NPRL3: variants seen among roughly 807,000 people sequenced by gnomAD.
NPRL3 encodes the protein GATOR1 complex protein NPRL3.
In NPRL3, 23 loss-of-function variants were observed where a neutral mutation model predicts 57.2. The ratio of observed to expected loss-of-function variants is 0.40; its 90% CI spans 0.29 to 0.57. NPRL3 has a LOEUF of 0.57. Ranked by LOEUF, NPRL3 falls within the 20% of genes least tolerant of loss-of-function variation. The probability of loss-of-function intolerance (pLI) is 0.42; values close to 1 mark genes in which losing one functional copy is unlikely to be tolerated. For synonymous variants in NPRL3, 333 were observed against 321.1 expected (o/e 1.04, Z -0.39); for missense variants, 691 against 767.1 (o/e 0.90, Z 1.17).
intron 10 of NPRL3, 96 bp from the exon 11 acceptor site, chr16:92,821 G>A (rs1596499645): frequency 2.0e-6 from 3 of 1,525,756 alleles, no homozygotes; most frequent in Admixed American, 1.9e-5. Context: ...AAGTGTGGCA[G>A]GTGGGTCAGG....
chr16:117,409 C>A (rs13336641), intron 4 of NPRL3, 34 bp from the exon 5 acceptor site: 3 of 1,484,344 alleles, frequency 2.0e-6, no homozygotes, highest in South Asian at 1.2e-5. Context: ...TTAATTGAGA[C>A]GACTTTCTAA....
At chr16:98,688 G>A (rs572250676) in intron 8 of NPRL3, among the ~76,000 whole-genome samples, 5 of 152,342 alleles carry the variant, frequency 3.3e-5, no homozygotes, top group Admixed American at 2.0e-4. Context: ...CTATAATCCC[G>A]GCACTCTGGG....
chr16:112,346 T>TGA (rs1396473261), intron 6 of NPRL3, among the ~76,000 whole-genome samples: 1 of 152,236 alleles, frequency 6.6e-6, no homozygotes, highest in Non-Finnish European at 1.5e-5. Flanking sequence ...GTGAAGATCA[T>TGA]GTAACTTCTC....
intron 3 of NPRL3, 55 bp downstream of exon 3, chr16:130,466 TG>T: frequency 1.3e-6 from 2 of 1,499,154 alleles, no homozygotes; most frequent in Admixed American, 4.0e-5. Context: ...GGTGGGGCTT[TG>T]CCCAGGCCTG....
At chr16:88,306 G>A (rs925130665) in intron 13 of NPRL3, among the ~76,000 whole-genome samples, 4 of 151,380 alleles carry the variant, frequency 2.6e-5, no homozygotes, top group South Asian at 2.1e-4. Flanking sequence ...GCGTGAACCC[G>A]GGAAGCGGAG....
intron 12 of NPRL3, chr16:89,167 T>G (rs979049084): frequency 6.5e-6 from 3 of 458,600 alleles, no homozygotes; most frequent in African/African-American, 5.8e-5. Flanking sequence ...AAGGTGGGCC[T>G]GGGCATCCTG....
At chr16:103,122 C>T (rs542350844) in intron 7 of NPRL3, among the ~76,000 whole-genome samples, 1 of 151,804 alleles carries the variant, frequency 6.6e-6, no homozygotes, top group East Asian at 1.9e-4. Flanking sequence ...GAAAGGAGGG[C>T]CACTGGAAAT....
chr16:90,250 G>T (rs1898707297), intron 11 of NPRL3: 1 of 274,398 alleles, frequency 3.6e-6, no homozygotes, highest in African/African-American at 2.3e-5. Context: ...TGCTGCAGCT[G>T]CCCCTCTGCC....
chr16:89,645 T>C, intron 12 of NPRL3, 68 bp downstream of exon 12: 1 of 1,395,028 alleles, frequency 7.2e-7, no homozygotes, highest in Non-Finnish European at 9.3e-7. Flanking sequence ...ACCACCCACG[T>C]TGAGCCTCCT....
chr16:112,777 T>C lies in NPRL3; in HGVS notation c.394-2A>G. 1 of 1,591,136 alleles carries C rather than the reference T, an allele frequency of 6.3e-7. No individual in the cohort carries two copies. Among genetic ancestry groups the C allele is most frequent in the Non-Finnish European group, 8.6e-7 (1 of 1,163,800 alleles). Reference sequence around the variant, plus strand: ...TATCACTGACGGGTCTGCGTTGGCCTGCAGGAGAGAGACCATACACAGACT... The same window carrying C: ...TATCACTGACGGGTCTGCGTTGGCCCGCAGGAGAGAGACCATACACAGACT... On this transcript the variant is annotated splice_acceptor_variant, in intron 5 of 13. Coordinates refer to ENST00000611875, the MANE Select transcript of NPRL3 (RefSeq NM_001077350.3). LOFTEE classifies it high-confidence loss of function.
intron 5 of NPRL3, 73 bp downstream of exon 5, chr16:117,228 G>C: frequency 1.9e-5 from 20 of 1,076,766 alleles, no homozygotes; most frequent in Non-Finnish European, 2.8e-5. Context: ...TCAATGACAC[G>C]CTCGTTGGAA....
rs1898471868 is a variant in NPRL3, at chr16:86,437, G to GC, written c.*267dup. On this transcript the variant is annotated 3_prime_UTR_variant, in exon 14 of 14. Transcript: ENST00000611875. ...CACCCAGAGACAGGAGTCCTGGCAG[G>GC]CCCCCCTCCAGCGTGGAGATGCCTA... is the stretch of plus-strand genomic sequence containing the variant. 4.4e-6 allele frequency: 2 copies of GC among 453,718 alleles called. No individual in the cohort carries two copies. Among genetic ancestry groups the GC allele is most frequent in the Middle Eastern group, 5.9e-4 (1 of 1,688 alleles). The allele number at this position is 453,718 out of a possible 1,614,324, so 28.1% of individuals were successfully genotyped here. A position where few individuals can be genotyped will look rare whatever the true frequency, so the allele number is the denominator to read the frequency against.
rs1262195788 is a variant in NPRL3, at chr16:86,415, C to T, written c.*290G>A. The T allele has an allele frequency of 7.0e-6, 3 of 429,906 alleles. No individual in the cohort carries two copies. In the South Asian group the frequency reaches 9.8e-5, roughly 14 times the overall value. 26.6% of individuals were successfully genotyped at this position (429,906 alleles called of 1,614,324 possible). A position where few individuals can be genotyped will look rare whatever the true frequency, so the allele number is the denominator to read the frequency against. ...TGGGCCTTGAAGGATGCGGCCTCAC[C>T]CAGAGACAGGAGTCCTGGCAGGCCC... On this transcript the variant is annotated 3_prime_UTR_variant, in exon 14 of 14. Coordinates refer to ENST00000611875, the MANE Select transcript of NPRL3 (RefSeq NM_001077350.3).
intron 12 of NPRL3, chr16:89,481 C>T (rs886426213): frequency 7.9e-6 from 4 of 503,210 alleles, no homozygotes; most frequent in African/African-American, 6.1e-5. Context: ...GGGAGCTGCC[C>T]CTAATTCTAG....
At chr16:129,763 G>C (rs567749967) in intron 3 of NPRL3, among the ~76,000 whole-genome samples, 1 of 152,296 alleles carries the variant, frequency 6.6e-6, no homozygotes, top group African/African-American at 2.4e-5. Flanking sequence ...GCACAGCAAA[G>C]GCCCAGCATA....
intron 5 of NPRL3, among the ~76,000 whole-genome samples, chr16:116,791 C>A (rs1388153132): frequency 7.0e-6 from 1 of 141,990 alleles, no homozygotes; most frequent in Non-Finnish European, 1.5e-5. Flanking sequence ...GGCGAGACCC[C>A]CCCCCCCCAC....
intron 6 of NPRL3, among the ~76,000 whole-genome samples, chr16:111,109 T>C (rs1899789717): frequency 6.6e-6 from 1 of 152,124 alleles, no homozygotes; most frequent in Non-Finnish European, 1.5e-5. Context: ...ATTATAAATT[T>C]TGACAGGTAA....
chr16:89,684 C>T, intron 12 of NPRL3, 29 bp downstream of exon 12: 1 of 1,511,090 alleles, frequency 6.6e-7, no homozygotes, highest in Non-Finnish European at 8.8e-7. Flanking sequence ...TCTCCCCTGA[C>T]TACCACAGCG....
chr16:92,604 C>A lies in NPRL3; in HGVS notation c.1153G>T (p.Val385Leu). 4 of 1,613,222 alleles carry A rather than the reference C, an allele frequency of 2.5e-6. No individual in the cohort carries two copies. Among genetic ancestry groups the A allele is most frequent in the Non-Finnish European group, 3.4e-6 (4 of 1,179,626 alleles). ...GAGCTTCTGTGACTCACCTCCTGCA[C>A]AGCGGGGGCCAGGGGATTCCTAAAT... ...SEFRNPLAPA[V>L]QETQLIQMVV... The change falls in exon 11 of 14, where the codon GTG (valine) becomes TTG (leucine). Residue 385 changes from valine (V) to leucine (L), a missense_variant. Transcript: ENST00000611875.
Sources: allele counts gnomAD v4.1 joint callset (sites outside exome capture counted in the v4.1 genomes callset), GRCh38; gene constraint gnomAD v4.1.1; transcripts MANE v1.5; gene names NCBI Gene and HGNC (gene_info 2026-07-23, HGNC 2026-07-21).